UBR3: variants seen among roughly 807,000 people sequenced by gnomAD.
UBR3 encodes the protein E3 ubiquitin-protein ligase UBR3.
In UBR3, 85 loss-of-function variants were observed where a neutral mutation model predicts 243.2. The ratio of observed to expected loss-of-function variants is 0.35; its 90% confidence interval spans 0.29 to 0.42. The LOEUF is 0.42. Among genes scored for constraint, UBR3 ranks in the 10% least tolerant of loss-of-function variants. UBR3 has a pLI of 1.00. For synonymous variants in UBR3, 748 were observed against 799.8 expected, an observed-to-expected ratio of 0.94 and a Z score of 1.09; for missense variants, 1,686 against 2,300.8, an observed-to-expected ratio of 0.73 and a Z score of 5.47.
intron 1 of UBR3, among the ~76,000 whole-genome samples, chr2:169,859,340 G>A (rs769042369): frequency 2.6e-5 from 4 of 152,004 alleles, no homozygotes; most frequent in Non-Finnish European, 4.4e-5. Flanking sequence ...CAGAGTGCTG[G>A]GATTATAGGC....
At chr2:169,948,402 T>A (rs890415107) in intron 22 of UBR3, among the ~76,000 whole-genome samples, 3 of 152,054 alleles carry the variant, frequency 2.0e-5, no homozygotes, top group Non-Finnish European at 2.9e-5. Context: ...TTCTGTATAT[T>A]ATGGCTTTGG....
Position 169,914,073 on chromosome 2 carries a change from A to G in UBR3, c.1793A>G (p.Tyr598Cys). ...TTACTATTTTAGGAAACTCAAGAGT[A>G]TACCCGAAATGTTGTTAGATATTGC... ...SHCKVRETQE[Y>C]TRNVVRYCLE... Residue 598 changes from tyrosine (Y) to cysteine (C), a missense_variant, in exon 11 of 39, where the codon TAT becomes TGT. Around this residue, in one of 8 missense-constraint regions of UBR3, gnomAD observed 346 missense variants for 585.8 expected, o/e 0.59. Transcript: ENST00000272793. 6.7e-7 allele frequency: 1 copy of G among 1,489,636 alleles called. No individual in the cohort carries two copies. 92.3% of individuals were successfully genotyped at this position (1,489,636 alleles called of 1,614,324 possible).
intron 35 of UBR3, among the ~76,000 whole-genome samples, chr2:170,062,335 C>T (rs1013208907): frequency 6.6e-6 from 1 of 152,174 alleles, no homozygotes; most frequent in Non-Finnish European, 1.5e-5. Context: ...GGAAATTAAA[C>T]ATTTATCATA....
intron 1 of UBR3, among the ~76,000 whole-genome samples, chr2:169,851,291 A>C (rs901244221): frequency 4.6e-5 from 7 of 151,888 alleles, no homozygotes; most frequent in Non-Finnish European, 7.4e-5. Flanking sequence ...TGTTTGGCTA[A>C]TTTTTGTATT....
At chr2:170,019,634 A>G (rs77220348) in intron 30 of UBR3, among the ~76,000 whole-genome samples, 7,874 of 152,202 alleles carry the variant, frequency 0.052, 394 homozygotes, top group African/African-American at 0.13. Flanking sequence ...GGAGTGAGGC[A>G]TGATTGTGCC....
intron 11 of UBR3, among the ~76,000 whole-genome samples, chr2:169,919,074 G>A (rs1436291860): frequency 6.6e-6 from 1 of 152,144 alleles, no homozygotes; most frequent in Non-Finnish European, 1.5e-5. Flanking sequence ...TGGGAGAAGG[G>A]ATATATAGCA....
At chr2:170,060,062 G>T (rs994295068) in intron 33 of UBR3, among the ~76,000 whole-genome samples, 1 of 152,124 alleles carries the variant, frequency 6.6e-6, no homozygotes, top group Non-Finnish European at 1.5e-5. Flanking sequence ...TAAATTCTCT[G>T]ATCCAAACTA....
intron 30 of UBR3, among the ~76,000 whole-genome samples, chr2:170,027,791 T>C (rs560305119): frequency 3.0e-4 from 45 of 151,918 alleles, no homozygotes; most frequent in Admixed American, 2.8e-3. Context: ...ATATGTATAA[T>C]TGAATTGAAA....
chr2:169,946,073 A>T (rs73015796), intron 20 of UBR3, among the ~76,000 whole-genome samples: 6,561 of 152,216 alleles, frequency 0.043, 162 homozygotes, highest in Middle Eastern at 0.068. Context: ...GCAAATTAGG[A>T]TATAAAAATA....
intron 1 of UBR3, among the ~76,000 whole-genome samples, chr2:169,847,601 T>TA (rs199936991): frequency 0.012 from 1,777 of 152,324 alleles, 50 homozygotes; most frequent in African/African-American, 0.039. Flanking sequence ...AAATAGTAAC[T>TA]AAAAAATCTT....
chr2:169,904,493 G>T (rs1451927396), intron 8 of UBR3, among the ~76,000 whole-genome samples: 1 of 151,916 alleles, frequency 6.6e-6, no homozygotes, highest in African/African-American at 2.4e-5. Flanking sequence ...TTTCGTACAA[G>T]CCTATCCTCC....
chr2:169,886,330 C>T (rs924766281), intron 5 of UBR3, among the ~76,000 whole-genome samples: 5 of 152,072 alleles, frequency 3.3e-5, no homozygotes, highest in African/African-American at 1.2e-4. Flanking sequence ...ATTGATTTTA[C>T]AACATTCCTG....
At position 169,895,318 on chromosome 2, in the gene UBR3, A is replaced by G. The variant is rs776822388; in HGVS notation, c.1236+7A>G. 16 of 1,527,898 alleles carry G rather than the reference A, an allele frequency of 1.0e-5. No individual in the cohort carries two copies. In the East Asian group the frequency reaches 2.2e-4, roughly 21 times the overall value. The allele number at this position is 1,527,898 out of a possible 1,614,324, so 94.6% of individuals were successfully genotyped here. ...TCCAGATCAAGAGTATAAGGTATCT[A>G]TATATTTTCCTGCTTTTCTGAACTT... On this transcript the variant is annotated splice_region_variant and intron_variant, in intron 7 of 38. Coordinates refer to ENST00000272793, the MANE Select transcript of UBR3 (RefSeq NM_172070.4).
intron 29 of UBR3, 185 bp from the exon 30 acceptor site, chr2:170,015,095 TA>T (rs1366716892): frequency 2.0e-6 from 1 of 503,158 alleles, no homozygotes; most frequent in African/African-American, 1.9e-5. Context: ...TAAGGATGGA[TA>T]AATTGTTCCC....
At chr2:169,952,960 C>T (rs917200715) in intron 23 of UBR3, among the ~76,000 whole-genome samples, 20 of 152,074 alleles carry the variant, frequency 1.3e-4, no homozygotes, top group Admixed American at 1.2e-3. Context: ...TTAGTGGTCT[C>T]TCTTAGTGGT....
At chr2:169,979,851 A>G (rs2088638144) in intron 24 of UBR3, among the ~76,000 whole-genome samples, 1 of 152,358 alleles carries the variant, frequency 6.6e-6, no homozygotes, top group Admixed American at 6.5e-5. Context: ...AGAACTTTAT[A>G]GCAGAAAGAG....
At chr2:169,925,584 G>A (rs2085880639) in intron 13 of UBR3, 35 bp from the exon 14 acceptor site, 1 of 1,512,018 alleles carries the variant, frequency 6.6e-7, no homozygotes, top group Non-Finnish European at 8.9e-7. Context: ...ATTGCATTTA[G>A]ATAATTTATT....
In UBR3 at chr2:169,836,035, CTCTCTCTCTATATATA is replaced by C. The variant is rs1187915680; in HGVS notation, c.545+7985_545+8000del. Among the ~76,000 whole-genome samples, 18 of 16,284 alleles carry C rather than the reference CTCTCTCTCTATATATA, an allele frequency of 1.1e-3. 1 individual carries two copies. Among genetic ancestry groups the C allele is most frequent in the African/African-American group, 2.9e-3 (11 of 3,818 alleles). 10.7% of individuals were successfully genotyped at this position (16,284 alleles called of 152,430 possible). The stretch of plus-strand genomic sequence containing the variant: ...TCTCTCTCTCTCTCTCTCTCTCTCT[CTCTCTCTCTATATATA>C]TATATATATATATATATTTTTTTTT... On this transcript the variant is annotated intron_variant, in intron 1 of 38. Transcript: ENST00000272793.
chr2:170,015,390 T>G (rs773883657), intron 30 of UBR3, 24 bp downstream of exon 30: 2 of 1,556,822 alleles, frequency 1.3e-6, no homozygotes, highest in South Asian at 2.4e-5. Context: ...ACTGCTAAAT[T>G]TAAAAAAAAT....
Sources: gnomAD v4.1 joint callset for allele counts (sites outside exome capture counted in the v4.1 genomes callset) on GRCh38, gnomAD v4.1.1 for gene constraint, gnomAD v4.1.1 regional missense constraint, MANE v1.5 for transcripts, NCBI Gene and HGNC (gene_info 2026-07-23, HGNC 2026-07-21) for gene names.